The following ZBTB7C variants were observed in gnomAD, a reference collection of about 807,000 sequenced individuals.
ZBTB7C encodes the protein zinc finger and BTB domain-containing protein 7C.
In ZBTB7C, 8 loss-of-function variants were observed where a neutral mutation model predicts 25.7. That is an observed-to-expected ratio of 0.31 (90% CI 0.18 to 0.56). ZBTB7C has a LOEUF of 0.56. Ranked by LOEUF, ZBTB7C falls within the 20% of genes least tolerant of loss-of-function variation. ZBTB7C has a pLI of 0.91. For missense variants in ZBTB7C, 824 were observed against 855.2 expected (o/e 0.96, Z 0.46); for synonymous variants, 394 against 369.0 (o/e 1.07, Z -0.78).
chr18:48,083,887 C>T, intron 3 of ZBTB7C: 1 of 985,410 alleles, frequency 1.0e-6, no homozygotes, highest in Non-Finnish European at 1.2e-6. Context: ...AAAGGAAGAG[C>T]TTCAGTGGAC....
Position 48,032,106 on chromosome 18 carries a change from T to C in ZBTB7C, c.1209-2195A>G, listed in dbSNP as rs2035775913. Among the ~76,000 whole-genome samples, 3 of 152,024 alleles carry C rather than the reference T, an allele frequency of 2.0e-5. No individual in the cohort carries two copies. The South Asian group carries it at 6.2e-4, about 31-fold the overall frequency. On this transcript the variant is annotated intron_variant, in intron 4 of 4. Transcript: ENST00000590800. ...CCTCACCACAACCTATGAGGTAGGT[T>C]TTTTTATTTTTATTTTTATTTTTTT...
chr18:48,081,131 C>A (rs1021735115), intron 3 of ZBTB7C, among the ~76,000 whole-genome samples: 3 of 152,288 alleles, frequency 2.0e-5, no homozygotes, highest in South Asian at 4.1e-4. Flanking sequence ...TGATGCAAAT[C>A]TTTGAGAAGG....
chr18:48,395,230 AT>A (rs1599033878), intron 1 of ZBTB7C, among the ~76,000 whole-genome samples: 1 of 149,426 alleles, frequency 6.7e-6, no homozygotes, highest in East Asian at 2.0e-4. Context: ...GGTGCTTTTC[AT>A]CCATGATCTC....
chr18:48,192,937 A>G (rs1002655153), intron 2 of ZBTB7C, among the ~76,000 whole-genome samples: 7 of 152,076 alleles, frequency 4.6e-5, no homozygotes, highest in African/African-American at 1.7e-4. Context: ...TAAATTTAAA[A>G]CTGCTCTAAA....
chr18:48,390,387 A>T (rs1187698496), intron 1 of ZBTB7C, among the ~76,000 whole-genome samples: 1 of 152,248 alleles, frequency 6.6e-6, no homozygotes, highest in Non-Finnish European at 1.5e-5. Flanking sequence ...TTGATCTAGA[A>T]AAGAGTGTCA....
At chr18:48,081,523 A>G (rs929833698) in intron 3 of ZBTB7C, among the ~76,000 whole-genome samples, 2 of 151,214 alleles carry the variant, frequency 1.3e-5, no homozygotes, top group Non-Finnish European at 2.9e-5. Context: ...CAGTGGTGCA[A>G]TCTCAGCTCA....
At chr18:48,402,772 A>G (rs890275683) in intron 1 of ZBTB7C, among the ~76,000 whole-genome samples, 5 of 152,244 alleles carry the variant, frequency 3.3e-5, no homozygotes, top group African/African-American at 1.2e-4. Context: ...TTCCAGAAAA[A>G]AAAGACTGGA....
intron 2 of ZBTB7C, among the ~76,000 whole-genome samples, chr18:48,319,112 C>G (rs1226649154): frequency 2.0e-5 from 3 of 147,458 alleles, no homozygotes; most frequent in Middle Eastern, 3.4e-3. Flanking sequence ...CAGAATGCCT[C>G]TGTGTGTGTG....
At chr18:48,186,399 C>A (rs911147644) in intron 2 of ZBTB7C, among the ~76,000 whole-genome samples, 2 of 152,258 alleles carry the variant, frequency 1.3e-5, no homozygotes, top group Non-Finnish European at 2.9e-5. Context: ...AGGGCATCTC[C>A]TTGTACAGCT....
chr18:48,226,732 G>A (rs555622624), intron 2 of ZBTB7C, among the ~76,000 whole-genome samples: 1 of 152,230 alleles, frequency 6.6e-6, no homozygotes, highest in Admixed American at 6.5e-5. Flanking sequence ...TTAGGAGTTA[G>A]GTATTCGACT....
In ZBTB7C at chr18:48,029,435, G is replaced by C; in HGVS notation, c.1685C>G (p.Ala562Gly). Residue 562 changes from alanine to glycine, a missense_variant, in exon 5 of 5, where the codon GCG becomes GGG. Physicochemically the swap from Ala to Gly is moderately conservative, Grantham distance 60. Coordinates refer to ENST00000590800, the MANE Select transcript of ZBTB7C (RefSeq NM_001318841.2). ...EETQMKLFGR[A>G]QLEAERNAGG... The stretch of plus-strand genomic sequence containing the variant: ...CGCGTTCCTCTCAGCCTCCAGCTGC[G>C]CGCGCCCGAACAGCTTCATCTGTGT... The C allele has an allele frequency of 6.3e-7, 1 of 1,591,434 alleles. No individual in the cohort carries two copies. Among genetic ancestry groups the C allele is most frequent in the Non-Finnish European group, 8.5e-7 (1 of 1,172,618 alleles).
chr18:48,238,720 G>A (rs1194371286), intron 2 of ZBTB7C, among the ~76,000 whole-genome samples: 3 of 152,216 alleles, frequency 2.0e-5, no homozygotes, highest in African/African-American at 7.2e-5. Context: ...CAGAGAGAAG[G>A]AAACTTCCAG....
chr18:48,187,820 CAAAAAAAAAAA>C (rs919402026), intron 2 of ZBTB7C, among the ~76,000 whole-genome samples: 2 of 73,376 alleles, frequency 2.7e-5, no homozygotes, highest in African/African-American at 1.0e-4. Context: ...GACCCCGTCT[CAAAAAAAAAAA>C]AAAAAAAAAA....
At chr18:48,128,706 G>C (rs775270855) in intron 3 of ZBTB7C, among the ~76,000 whole-genome samples, 1 of 152,020 alleles carries the variant, frequency 6.6e-6, no homozygotes, top group African/African-American at 2.4e-5. Flanking sequence ...GACTCAGAAG[G>C]GGGAGAGTAG....
intron 3 of ZBTB7C, among the ~76,000 whole-genome samples, chr18:48,157,278 A>C (rs1174290336): frequency 6.6e-6 from 1 of 152,178 alleles, no homozygotes; most frequent in Non-Finnish European, 1.5e-5. Context: ...AATATAGACA[A>C]TAGGTTTGGC....
intron 4 of ZBTB7C, among the ~76,000 whole-genome samples, chr18:48,030,273 G>C (rs1173446888): frequency 6.6e-6 from 1 of 152,302 alleles, no homozygotes; most frequent in African/African-American, 2.4e-5. Flanking sequence ...ATAGTGCAGC[G>C]ACTTCTGCTG....
chr18:48,165,034 C>G (rs548785709), intron 3 of ZBTB7C: 1 of 1,223,922 alleles, frequency 8.2e-7, no homozygotes. Flanking sequence ...CAATTCTATA[C>G]ATCCTGTTGC....
chr18:48,277,624 A>C (rs1210422438), intron 2 of ZBTB7C, among the ~76,000 whole-genome samples: 1 of 152,254 alleles, frequency 6.6e-6, no homozygotes, highest in African/African-American at 2.4e-5. Flanking sequence ...TTATGGCTGC[A>C]TCATGAAGGG....
Position 48,029,029 on chromosome 18 carries a change from G to C in ZBTB7C, c.*231C>G, listed in dbSNP as rs1357026726. On this transcript the variant is annotated 3_prime_UTR_variant, in exon 5 of 5. Transcript: ENST00000590800. Reference sequence around the variant, plus strand: ...TATATGAGAGCCAGAGAGACAGGGAGGGAGGCCCGGGCTCCTGGCCTTTTG... The same window carrying C: ...TATATGAGAGCCAGAGAGACAGGGACGGAGGCCCGGGCTCCTGGCCTTTTG... The C allele has an allele frequency of 1.8e-6, 1 of 562,468 alleles. No homozygotes were observed. The highest frequency in any genetic ancestry group is 4.1e-5 in the Admixed American group (1 of 24,468). 34.8% of individuals were successfully genotyped at this position (562,468 alleles called of 1,614,324 possible).
Sources: gnomAD v4.1 joint callset for allele counts (sites outside exome capture counted in the v4.1 genomes callset) on GRCh38, gnomAD v4.1.1 for gene constraint, MANE v1.5 for transcripts, NCBI Gene and HGNC (gene_info 2026-07-23, HGNC 2026-07-21) for gene names.